The following ITPR1 variants were observed in gnomAD, a reference collection of about 807,000 sequenced individuals.
ITPR1 encodes the protein inositol 1,4,5-trisphosphate receptor type 1.
In ITPR1, 96 loss-of-function variants were observed where a neutral mutation model predicts 318.4. That is an observed-to-expected ratio of 0.30 (90% CI 0.26 to 0.36). ITPR1 has a LOEUF of 0.36. Ranked by LOEUF, ITPR1 falls within the 10% of genes least tolerant of loss-of-function variation. The pLI is 1.00. For missense variants in ITPR1, 2,440 were observed against 3,460.2 expected, an observed-to-expected ratio of 0.71 and a Z score of 7.40; for synonymous variants, 1,312 against 1,289.9, an observed-to-expected ratio of 1.02 and a Z score of -0.37.
chr3:4,702,663 A>C (rs1260338402), intron 35 of ITPR1, among the ~76,000 whole-genome samples, 167 bp from the exon 36 acceptor site: 2 of 152,168 alleles, frequency 1.3e-5, no homozygotes, highest in Admixed American at 1.3e-4. Flanking sequence ...TTTAGCTCTT[A>C]TCCAGGCATC....
intron 4 of ITPR1, among the ~76,000 whole-genome samples, chr3:4,521,316 AAT>A (rs2082547881): frequency 6.6e-6 from 1 of 152,172 alleles, no homozygotes; most frequent in African/African-American, 2.4e-5. Flanking sequence ...TTGTCTATTG[AAT>A]ATGTGTTGAC....
At position 4,573,989 on chromosome 3, in the gene ITPR1, C is replaced by T. The variant is rs559299816; in HGVS notation, c.163+52895C>T. On this transcript the variant is annotated intron_variant, in intron 4 of 61. Transcript: ENST00000649015. ...TCAATAACTATTTGTGGAATGAGTG[C>T]GTAAAATAATATTTTGTAGCCATGT... Among the ~76,000 whole-genome samples, 35 of 152,256 alleles carry T rather than the reference C, an allele frequency of 2.3e-4. No individual in the cohort carries two copies. The South Asian group carries it at 5.6e-3, about 24-fold the overall frequency.
At chr3:4,620,647 G>A (rs1013631792) in intron 4 of ITPR1, among the ~76,000 whole-genome samples, 1 of 149,422 alleles carries the variant, frequency 6.7e-6, no homozygotes, top group Non-Finnish European at 1.5e-5. Flanking sequence ...GTAGAAGATG[G>A]AGTTGGGTTT....
Position 4,697,154 on chromosome 3 carries a change from T to C in ITPR1, c.4289T>C (p.Ile1430Thr), listed in dbSNP as rs1377611898. The C allele has an allele frequency of 1.2e-6, 2 of 1,610,406 alleles. No individual in the cohort carries two copies. The highest frequency in any genetic ancestry group is 1.7e-5 in the Admixed American group (1 of 59,538). Residue 1430 changes from isoleucine to threonine, a missense_variant, in exon 34 of 62, where the codon ATT becomes ACT. Physicochemically the swap from Ile to Thr is moderately conservative, Grantham distance 89 (BLOSUM62 -1). This residue lies in a region of ITPR1 where 222 missense variants were observed against 318.8 expected (regional missense o/e 0.70). Transcript: ENST00000649015. ...CTTCTTTCTATCTTGCAGGTTAAAA[T>C]TGCATACATTAACTTCCTGAATCAC... Reference protein sequence around the residue: ...THEDCIPEVKIAYINFLNHCY... With the variant: ...THEDCIPEVKTAYINFLNHCY...
chr3:4,711,570 G>A, intron 38 of ITPR1, 187 bp from the exon 39 acceptor site: 1 of 559,678 alleles, frequency 1.8e-6, no homozygotes, highest in Non-Finnish European at 3.2e-6. Context: ...ACCAGCAGGT[G>A]TCACTATTGA....
At chr3:4,824,398 G>A (rs959545720) in intron 60 of ITPR1, among the ~76,000 whole-genome samples, 15 of 152,274 alleles carry the variant, frequency 9.9e-5, no homozygotes, top group African/African-American at 2.9e-4. Context: ...TTGCAGGGTC[G>A]CGGCGCTGGG....
intron 4 of ITPR1, among the ~76,000 whole-genome samples, chr3:4,618,200 A>T (rs1345405863): frequency 6.6e-6 from 1 of 152,152 alleles, no homozygotes; most frequent in African/African-American, 2.4e-5. Flanking sequence ...AAAATGGTTA[A>T]TTTTATATTA....
At chr3:4,614,127 G>A (rs575502778) in intron 4 of ITPR1, among the ~76,000 whole-genome samples, 5 of 152,292 alleles carry the variant, frequency 3.3e-5, no homozygotes, top group African/African-American at 9.6e-5. Flanking sequence ...TTAGCCAGGC[G>A]TGGCAGTGCA....
At chr3:4,655,055 C>T (rs979442200) in intron 12 of ITPR1, among the ~76,000 whole-genome samples, 2 of 152,180 alleles carry the variant, frequency 1.3e-5, no homozygotes, top group Non-Finnish European at 2.9e-5. Context: ...CCAGTTTAAC[C>T]CTCTGTCAGT....
chr3:4,506,623 T>C (rs1012480570), intron 2 of ITPR1, among the ~76,000 whole-genome samples: 1 of 152,238 alleles, frequency 6.6e-6, no homozygotes, highest in African/African-American at 2.4e-5. Flanking sequence ...TTGTATGTCT[T>C]GCTTTGATCT....
chr3:4,611,090 T>G (rs67909430), intron 4 of ITPR1, among the ~76,000 whole-genome samples: 14,190 of 128,712 alleles, frequency 0.11, 1,360 homozygotes, highest in East Asian at 0.43. Context: ...CTGTCTGTCT[T>G]TCTTGACTTA....
At chr3:4,806,963 A>T (rs1002858969) in intron 55 of ITPR1, among the ~76,000 whole-genome samples, 7 of 152,062 alleles carry the variant, frequency 4.6e-5, no homozygotes, top group African/African-American at 1.7e-4. Flanking sequence ...AAATGACAGG[A>T]AGCATAAAAC....
At chr3:4,789,089 G>A (rs906624315) in intron 52 of ITPR1, among the ~76,000 whole-genome samples, 1 of 152,142 alleles carries the variant, frequency 6.6e-6, no homozygotes, top group Admixed American at 6.6e-5. Flanking sequence ...GTGCAAGAAG[G>A]TTCGCCCAAA....
At chr3:4,765,640 G>T in intron 44 of ITPR1, among the ~76,000 whole-genome samples, 1 of 152,284 alleles carries the variant, frequency 6.6e-6, no homozygotes, top group South Asian at 2.1e-4. Flanking sequence ...ACTGGAAGAA[G>T]CAAATATATT....
At chr3:4,800,033 T>TGA (rs896635126) in intron 53 of ITPR1, 2 of 181,304 alleles carry the variant, frequency 1.1e-5, no homozygotes, top group African/African-American at 2.4e-5. Context: ...TGCAATCTGG[T>TGA]GAGAGAGAGA....
intron 4 of ITPR1, among the ~76,000 whole-genome samples, chr3:4,590,555 C>T (rs995356325): frequency 4.0e-5 from 6 of 149,268 alleles, no homozygotes; most frequent in Admixed American, 1.3e-4. Context: ...ATTATAATTA[C>T]TATTTTATTA....
intron 4 of ITPR1, among the ~76,000 whole-genome samples, chr3:4,586,285 A>G (rs1027644887): frequency 6.6e-6 from 1 of 152,022 alleles, no homozygotes; most frequent in Admixed American, 6.5e-5. Context: ...TGAAAGCTTT[A>G]CCCGTTTCTA....
intron 6 of ITPR1, among the ~76,000 whole-genome samples, chr3:4,641,386 A>AT (rs1575850811): frequency 6.6e-6 from 1 of 152,244 alleles, no homozygotes; most frequent in South Asian, 2.1e-4. Context: ...ATTTTATTTA[A>AT]TTTTTTGAGA....
chr3:4,732,640 T>A (rs563033881), intron 42 of ITPR1, among the ~76,000 whole-genome samples: 122 of 152,366 alleles, frequency 8.0e-4, no homozygotes, highest in Non-Finnish European at 1.3e-3. Context: ...CTTGGCTTAT[T>A]GTATCATCTT....
Sources: gnomAD v4.1 joint callset for allele counts (sites outside exome capture counted in the v4.1 genomes callset) on GRCh38, gnomAD v4.1.1 for gene constraint, gnomAD v4.1.1 regional missense constraint, MANE v1.5 for transcripts, NCBI Gene and HGNC (gene_info 2026-07-23, HGNC 2026-07-21) for gene names.